The following MTMR10 variants were observed in gnomAD, a reference collection of about 807,000 sequenced individuals.
MTMR10 encodes the protein myotubularin-related protein 10.
Under a neutral mutation model 88.1 loss-of-function variants are expected in MTMR10, and 56 were observed. The ratio of observed to expected loss-of-function variants is 0.64; its 90% CI spans 0.51 to 0.79. The LOEUF is 0.79. MTMR10 is among the 30% of genes least tolerant of loss of function. The pLI is 0.00. For missense variants in MTMR10, 883 were observed against 924.7 expected, an observed-to-expected ratio of 0.95 and a Z score of 0.58; for synonymous variants, 380 against 340.9, an observed-to-expected ratio of 1.11 and a Z score of -1.26.
At chr15:30,985,002 T>G (rs1213483302) in intron 2 of MTMR10, among the ~76,000 whole-genome samples, 2 of 152,178 alleles carry the variant, frequency 1.3e-5, no homozygotes, top group Non-Finnish European at 2.9e-5. Flanking sequence ...TCCCATCTCC[T>G]CAGCATTTTA....
chr15:30,967,861 ATAAGAG>A, intron 6 of MTMR10, 53 bp downstream of exon 6: 2 of 1,386,376 alleles, frequency 1.4e-6, no homozygotes, highest in Non-Finnish European at 9.9e-7. Context: ...TCCGGTAAAC[ATAAGAG>A]TAAAATTTAC....
Position 30,987,070 on chromosome 15 carries a change from CATA to C in MTMR10, c.121+3704_121+3706del, listed in dbSNP as rs2030985630. 1.3e-5 allele frequency among the ~76,000 whole-genome samples: 2 copies of C among 152,324 alleles called. 1 individual carries two copies. On this transcript the variant is annotated intron_variant, in intron 2 of 15. Transcript: ENST00000435680. Reference sequence around the variant, plus strand: ...ATAATCACTGAAAGAATGAAATTCACATAATGAGAGGAAGATAAAGAGAAAGCC... The same window carrying C: ...ATAATCACTGAAAGAATGAAATTCACATGAGAGGAAGATAAAGAGAAAGCC...
At chr15:30,945,417 G>C (rs910442290) in intron 14 of MTMR10, among the ~76,000 whole-genome samples, 1 of 152,162 alleles carries the variant, frequency 6.6e-6, no homozygotes, top group African/African-American at 2.4e-5. Flanking sequence ...CGCACACACA[G>C]CATCAGCCAA....
chr15:30,950,658 G>T (rs545236593), intron 12 of MTMR10, among the ~76,000 whole-genome samples: 3 of 138,244 alleles, frequency 2.2e-5, no homozygotes, highest in Non-Finnish European at 4.7e-5. Context: ...TGACAGGAGC[G>T]AAACTCCATC....
At chr15:30,958,752 C>A in intron 9 of MTMR10, 111 bp downstream of exon 9, 1 of 1,105,478 alleles carries the variant, frequency 9.0e-7, no homozygotes, top group South Asian at 1.4e-5. Flanking sequence ...AAACATGGTG[C>A]TAACTAATTA....
chr15:30,980,066 A>C (rs1299837358), intron 2 of MTMR10, among the ~76,000 whole-genome samples: 1 of 152,252 alleles, frequency 6.6e-6, no homozygotes, highest in Non-Finnish European at 1.5e-5. Flanking sequence ...TGTTAGAGAT[A>C]GTTACTGAAG....
intron 10 of MTMR10, among the ~76,000 whole-genome samples, chr15:30,954,547 C>T (rs2063295195): frequency 6.6e-6 from 1 of 151,936 alleles, no homozygotes; most frequent in Non-Finnish European, 1.5e-5. Context: ...AAATTTAATA[C>T]ACTCATTTTT....
the MTMR10 span, chr15:30,930,590 G>A: frequency 3.1e-6 from 5 of 1,612,902 alleles, no homozygotes; most frequent in East Asian, 4.5e-5. Flanking sequence ...GTGTGTGCAG[G>A]CACCTGGCTG....
chr15:30,957,610 C>G (rs1462319694), intron 9 of MTMR10, among the ~76,000 whole-genome samples: 1 of 152,114 alleles, frequency 6.6e-6, no homozygotes, highest in Non-Finnish European at 1.5e-5. Context: ...GTAATCCCAG[C>G]TACTCAGGAG....
the MTMR10 span, chr15:30,928,506 TTGTGTGTGTGTGTG>T: frequency 3.8e-5 from 56 of 1,484,518 alleles, no homozygotes; most frequent in East Asian, 5.1e-5. Context: ...AAAACAGATT[TTGTGTGTGTGTGTG>T]TGTGTGTGTG....
chr15:30,944,915 G>A (rs1342362218), intron 14 of MTMR10, among the ~76,000 whole-genome samples: 1 of 151,776 alleles, frequency 6.6e-6, no homozygotes, highest in Non-Finnish European at 1.5e-5. Flanking sequence ...AGGTGGTTGA[G>A]GCGAGAGCAG....
At chr15:30,985,205 T>C (rs2030866297) in intron 2 of MTMR10, among the ~76,000 whole-genome samples, 1 of 152,252 alleles carries the variant, frequency 6.6e-6, no homozygotes, top group South Asian at 2.1e-4. Context: ...TTCACCAGAC[T>C]GTGCTTCGGC....
chr15:30,986,091 C>T (rs2030921881), intron 2 of MTMR10, among the ~76,000 whole-genome samples: 1 of 151,976 alleles, frequency 6.6e-6, no homozygotes, highest in Non-Finnish European at 1.5e-5. Context: ...CCAAGGTGAG[C>T]CAATTGCTTG....
chr15:30,929,430 A>G, the MTMR10 span: 8 of 1,562,014 alleles, frequency 5.1e-6, no homozygotes, highest in Non-Finnish European at 6.1e-6. Context: ...GGATTTGCTC[A>G]GAAAGTTAAC....
chr15:30,978,003 G>C (rs1471648595), intron 2 of MTMR10, among the ~76,000 whole-genome samples: 2 of 152,158 alleles, frequency 1.3e-5, no homozygotes, highest in African/African-American at 2.4e-5. Context: ...TCATGGCTGG[G>C]AGCCCTGCAT....
intron 5 of MTMR10, among the ~76,000 whole-genome samples, chr15:30,972,985 G>C (rs1192471116): frequency 6.6e-6 from 1 of 152,116 alleles, no homozygotes; most frequent in African/African-American, 2.4e-5. Flanking sequence ...CCCTAATCTT[G>C]AGATGCTACA....
In MTMR10 at chr15:30,953,417, G is replaced by A. The variant is rs2063278259; in HGVS notation, c.1136+145C>T. The A allele has an allele frequency of 7.8e-6, 5 of 638,658 alleles. No individual in the cohort carries two copies. The Admixed American group carries it at 8.9e-5, about 11-fold the overall frequency. The allele number at this position is 638,658 out of a possible 1,614,324, so 39.6% of individuals were successfully genotyped here. A position where few individuals can be genotyped will look rare whatever the true frequency, so the allele number is the denominator to read the frequency against. The stretch of plus-strand genomic sequence containing the variant: ...GTGTCAGCTTCCTGGTTTGGATGCT[G>A]TACTCTAGTTACGAGATGTTACTAT... On this transcript the variant is annotated intron_variant, in intron 11 of 15. Transcript: ENST00000435680.
chr15:30,946,534 T>C, intron 14 of MTMR10: 1 of 561,926 alleles, frequency 1.8e-6, no homozygotes, highest in South Asian at 2.3e-5. Flanking sequence ...ATCCTCTTCC[T>C]AGAAAGGCTT....
chr15:30,964,382 TCTAA>T (rs1380454565), intron 6 of MTMR10, among the ~76,000 whole-genome samples: 3 of 152,212 alleles, frequency 2.0e-5, no homozygotes, highest in Non-Finnish European at 2.9e-5. Context: ...TGTTTCAAGA[TCTAA>T]CTTACACAAA....
Sources: gnomAD v4.1 joint callset for allele counts (sites outside exome capture counted in the v4.1 genomes callset) on GRCh38, gnomAD v4.1.1 for gene constraint, MANE v1.5 for transcripts, NCBI Gene and HGNC (gene_info 2026-07-23, HGNC 2026-07-21) for gene names.